TTC7B: variants seen among roughly 807,000 people sequenced by gnomAD.
The protein encoded by TTC7B is tetratricopeptide repeat domain 7B.
A neutral mutation model predicts 106.8 loss-of-function variants in TTC7B; 28 were observed. The ratio of observed to expected loss-of-function variants is 0.26; its 90% CI spans 0.19 to 0.36. The LOEUF (loss-of-function observed/expected upper bound fraction) is 0.36. Ranked by LOEUF, TTC7B falls within the 10% of genes least tolerant of loss-of-function variation. TTC7B has a pLI of 1.00. For synonymous variants in TTC7B, 405 were observed against 430.6 expected (o/e 0.94, Z 0.74); for missense variants, 862 against 1,076.4 (o/e 0.80, Z 2.79).
chr14:90,680,768 G>C (rs1294305363), intron 7 of TTC7B, among the ~76,000 whole-genome samples: 1 of 152,088 alleles, frequency 6.6e-6, no homozygotes, highest in Non-Finnish European at 1.5e-5. Flanking sequence ...TAAAAACCAA[G>C]TTAAAAGCCC....
chr14:90,642,093 T>C (rs1476753919), intron 15 of TTC7B, among the ~76,000 whole-genome samples: 1 of 152,198 alleles, frequency 6.6e-6, no homozygotes, highest in African/African-American at 2.4e-5. Context: ...ATTTTAAGGT[T>C]CCATGGGATA....
chr14:90,612,337 T>C (rs1317821918), intron 16 of TTC7B, among the ~76,000 whole-genome samples: 2 of 152,252 alleles, frequency 1.3e-5, no homozygotes, highest in African/African-American at 2.4e-5. Flanking sequence ...TCTGTCCAGG[T>C]AGCATTTTTC....
At chr14:90,775,515 G>A (rs1566881543) in intron 3 of TTC7B, among the ~76,000 whole-genome samples, 1 of 152,100 alleles carries the variant, frequency 6.6e-6, no homozygotes, top group African/African-American at 2.4e-5. Context: ...TTCCACCCCA[G>A]CAGCAGGGAG....
intron 3 of TTC7B, among the ~76,000 whole-genome samples, chr14:90,763,592 C>G (rs932161559): frequency 2.0e-5 from 3 of 152,082 alleles, no homozygotes; most frequent in Non-Finnish European, 4.4e-5. Context: ...ATGCCATGAT[C>G]TTACATATTT....
chr14:90,792,174 A>G (rs1306637247), intron 1 of TTC7B, among the ~76,000 whole-genome samples: 2 of 152,120 alleles, frequency 1.3e-5, no homozygotes, highest in African/African-American at 4.8e-5. Flanking sequence ...AAAAACTGCT[A>G]CCCAAGTGCT....
intron 18 of TTC7B, among the ~76,000 whole-genome samples, chr14:90,583,813 A>G (rs1350003189): frequency 6.6e-6 from 1 of 152,212 alleles, no homozygotes; most frequent in Admixed American, 6.5e-5. Context: ...TTGGGTTACT[A>G]TGAAAAATGT....
chr14:90,606,534 T>C (rs1049605077), intron 17 of TTC7B, among the ~76,000 whole-genome samples: 7 of 152,242 alleles, frequency 4.6e-5, no homozygotes, highest in Non-Finnish European at 1.0e-4. Flanking sequence ...TTTTTCATTC[T>C]CTATTTAAGG....
chr14:90,767,028 C>CAAAAAA, intron 3 of TTC7B: 9 of 526,016 alleles, frequency 1.7e-5, no homozygotes, highest in African/African-American at 2.9e-5. Context: ...GTTTATATAC[C>CAAAAAA]AAAAAAAAAA....
chr14:90,816,303 TGGCCGGGCCCGGCC>T lies in TTC7B; in HGVS notation c.-22_-9del. Reference sequence around the variant, plus strand: ...TGCCTTCTTGGTCGCCATCGCGGCCTGGCCGGGCCCGGCCGCCCGCCCCGCAGGCCCCACCGCCG... The same window carrying T: ...TGCCTTCTTGGTCGCCATCGCGGCCTGCCCGCCCCGCAGGCCCCACCGCCG... On this transcript the variant is annotated 5_prime_UTR_variant, in exon 1 of 20. Coordinates refer to ENST00000328459, the MANE Select transcript of TTC7B (RefSeq NM_001010854.2). 8.7e-7 allele frequency: 1 copy of T among 1,155,620 alleles called. No homozygotes were observed. The highest frequency in any genetic ancestry group is 1.1e-6 in the Non-Finnish European group (1 of 915,496). 71.6% of individuals were successfully genotyped at this position (1,155,620 alleles called of 1,614,324 possible).
chr14:90,812,744 C>T lies in TTC7B; in HGVS notation c.121+3431G>A, dbSNP rs1193511059. 2.6e-5 allele frequency among the ~76,000 whole-genome samples: 4 copies of T among 152,058 alleles called. No homozygotes were observed. In the South Asian group the frequency reaches 6.2e-4, roughly 24 times the overall value. On this transcript the variant is annotated intron_variant, in intron 1 of 19. Coordinates refer to ENST00000328459, the MANE Select transcript of TTC7B (RefSeq NM_001010854.2). The stretch of plus-strand genomic sequence containing the variant: ...GATGGTGCAATGAAAATGGTGACTA[C>T]GGTAGGGTACGAGGAAGAAGACAGA...
Position 90,525,892 on chromosome 14 carries a change from G to T in TTC7B, c.*15476C>A, listed in dbSNP as rs1204591450. On this transcript the variant is annotated 3_prime_UTR_variant, in exon 20 of 20. Transcript: ENST00000328459. The stretch of plus-strand genomic sequence containing the variant: ...AGAGTGGAAGAGTACCAGGACATGG[G>T]GGTGGGGGTTGGGGCAAAGCTTTGC... The T allele has an allele frequency of 4.2e-5, 6 of 142,664 alleles. No individual in the cohort carries two copies. Among genetic ancestry groups the T allele is most frequent in the African/African-American group, 1.5e-4 (6 of 38,740 alleles). 8.8% of individuals were successfully genotyped at this position (142,664 alleles called of 1,614,324 possible).
In TTC7B at chr14:90,646,976, G is replaced by C. The variant is rs144953526; in HGVS notation, c.1565C>G (p.Ala522Gly). The change falls in exon 14 of 20, where the codon GCT becomes GGT. Residue 522 changes from alanine (A) to glycine (G), a missense_variant. Transcript: ENST00000328459. ...CTGTCTGGAGATGGCAAGCTGCAGA[G>C]CCAGGTAGAAAGCTGCTTGGTGATC... is the stretch of plus-strand genomic sequence containing the variant. ...PTDHQAAFYL[A>G]LQLAISRQIP... 3.7e-4 allele frequency: 592 copies of C among 1,614,204 alleles called. 1 individual carries two copies. Among genetic ancestry groups the C allele is most frequent in the Non-Finnish European group, 4.3e-4 (502 of 1,180,026 alleles).
chr14:90,632,014 A>C (rs1467349210), intron 15 of TTC7B, among the ~76,000 whole-genome samples: 3 of 152,130 alleles, frequency 2.0e-5, no homozygotes, highest in Non-Finnish European at 2.9e-5. Context: ...TTGATTTTAA[A>C]TAAGCTACTG....
chr14:90,694,454 T>A (rs188310305), intron 6 of TTC7B, among the ~76,000 whole-genome samples: 24 of 152,038 alleles, frequency 1.6e-4, no homozygotes, highest in African/African-American at 5.5e-4. Flanking sequence ...TCTGTGAATA[T>A]GCTAAAAACT....
At chr14:90,731,145 G>T (rs1889312435) in intron 4 of TTC7B, among the ~76,000 whole-genome samples, 1 of 151,984 alleles carries the variant, frequency 6.6e-6, no homozygotes, top group African/African-American at 2.4e-5. Flanking sequence ...AGAGACGGGG[G>T]TTTCACCACG....
chr14:90,635,713 T>C (rs1279031224), intron 15 of TTC7B, among the ~76,000 whole-genome samples: 5 of 148,662 alleles, frequency 3.4e-5, no homozygotes, highest in African/African-American at 1.2e-4. Flanking sequence ...TGAGCCGAGA[T>C]TGCGCCACTG....
At chr14:90,553,722 C>G (rs1294582) in intron 19 of TTC7B, among the ~76,000 whole-genome samples, 3 of 152,044 alleles carry the variant, frequency 2.0e-5, no homozygotes, top group African/African-American at 7.2e-5. Context: ...GCCTTGGAGG[C>G]ATGGCGGATT....
chr14:90,547,666 C>T (rs1009436060), intron 19 of TTC7B, among the ~76,000 whole-genome samples: 3 of 152,098 alleles, frequency 2.0e-5, no homozygotes, highest in Non-Finnish European at 2.9e-5. Flanking sequence ...GGTGTGCTGG[C>T]GCACATTGTG....
At chr14:90,790,515 T>C (rs1431399866) in intron 1 of TTC7B, among the ~76,000 whole-genome samples, 3 of 152,146 alleles carry the variant, frequency 2.0e-5, no homozygotes, top group African/African-American at 4.8e-5. Context: ...TTTAACTTCA[T>C]TGATTCTGGG....
Sources: gnomAD v4.1 joint callset for allele counts (sites outside exome capture counted in the v4.1 genomes callset) on GRCh38, gnomAD v4.1.1 for gene constraint, MANE v1.5 for transcripts, NCBI Gene and HGNC (gene_info 2026-07-23, HGNC 2026-07-21) for gene names.